CBR4: variants seen among roughly 807,000 people sequenced by gnomAD.
CBR4 encodes carbonyl reductase 4.
Under a neutral mutation model 21.0 loss-of-function variants are expected in CBR4, and 22 were observed. That is an observed-to-expected ratio of 1.05 (90% CI 0.75 to 1.50). The LOEUF is 1.50. CBR4 is among the 40% of genes most tolerant of loss of function. The pLI is 0.00. For missense variants in CBR4, 302 were observed against 286.3 expected (o/e 1.05, Z -0.40); for synonymous variants, 100 against 104.4 (o/e 0.96, Z 0.26).
At chr4:169,007,841 T>C in intron 1 of CBR4, 85 bp from the exon 2 acceptor site, 1 of 964,000 alleles carries the variant, frequency 1.0e-6, no homozygotes, top group Non-Finnish European at 1.5e-6. Context: ...CTATCTAAGA[T>C]GGCAGGCCTG....
intron 2 of CBR4, among the ~76,000 whole-genome samples, chr4:168,978,850 C>A (rs1465330076): frequency 6.6e-6 from 1 of 152,172 alleles, no homozygotes; most frequent in African/African-American, 2.4e-5. Context: ...CTAGGCAAAG[C>A]CCACTGGCCT....
chr4:168,955,056 A>C (rs1399319525), intron 2 of CBR4, among the ~76,000 whole-genome samples: 4 of 152,350 alleles, frequency 2.6e-5, no homozygotes, highest in African/African-American at 9.6e-5. Context: ...TGTGCAGGCA[A>C]GGAAAAGTAA....
intron 2 of CBR4, among the ~76,000 whole-genome samples, chr4:168,974,870 TTAAA>T (rs1467514418): frequency 3.3e-5 from 5 of 152,226 alleles, no homozygotes; most frequent in Non-Finnish European, 7.3e-5. Flanking sequence ...CTTGAGTAGC[TTAAA>T]TAATCAACCT....
At chr4:168,910,788 C>T (rs983404407) in intron 2 of CBR4, among the ~76,000 whole-genome samples, 2 of 152,154 alleles carry the variant, frequency 1.3e-5, no homozygotes, top group Non-Finnish European at 2.9e-5. Flanking sequence ...GATTCCAGAG[C>T]TACTGAATGC....
At chr4:168,919,608 G>A (rs1442771201) in intron 2 of CBR4, among the ~76,000 whole-genome samples, 1 of 151,804 alleles carries the variant, frequency 6.6e-6, no homozygotes, top group Non-Finnish European at 1.5e-5. Flanking sequence ...GCTTTGAAAG[G>A]GGAAAAAATC....
chr4:168,923,097 T>C (rs137981597), intron 2 of CBR4, among the ~76,000 whole-genome samples: 97 of 152,334 alleles, frequency 6.4e-4, no homozygotes, highest in African/African-American at 2.3e-3. Flanking sequence ...TGCAAAGTGG[T>C]AGATGTTATT....
intron 2 of CBR4, among the ~76,000 whole-genome samples, chr4:168,942,985 G>C (rs1334842401): frequency 2.0e-5 from 3 of 152,110 alleles, no homozygotes; most frequent in Non-Finnish European, 4.4e-5. Context: ...CTGCCAAGAA[G>C]GTAGAGAAAC....
chr4:168,916,148 C>G (rs1037613400), intron 2 of CBR4: 2 of 977,362 alleles, frequency 2.0e-6, no homozygotes, highest in Non-Finnish European at 3.2e-6. Flanking sequence ...CACAGTGGCT[C>G]ACACCTATAA....
chr4:168,965,934 G>T (rs1460900358), intron 2 of CBR4, among the ~76,000 whole-genome samples: 1 of 152,032 alleles, frequency 6.6e-6, no homozygotes, highest in East Asian at 1.9e-4. Context: ...CACAGCAAAA[G>T]AAACTATCAT....
chr4:168,931,320 TG>T, intron 2 of CBR4, among the ~76,000 whole-genome samples: 1 of 152,146 alleles, frequency 6.6e-6, no homozygotes, highest in Non-Finnish European at 1.5e-5. Flanking sequence ...GCCTACCCAG[TG>T]GAACTGTGCC....
At position 168,987,826 on chromosome 4, in the gene CBR4, C is replaced by A. The variant is rs1764742702; in HGVS notation, c.*2324G>T. On this transcript the variant is annotated 3_prime_UTR_variant, in exon 5 of 5. Transcript: ENST00000306193. ...TATTCCCCCCAAAACTAATTTATAA[C>A]ATATAATTATCTCCCTAAAAAGCAG... 1 of 976,308 alleles carries A rather than the reference C, an allele frequency of 1.0e-6. No individual in the cohort carries two copies. Among genetic ancestry groups the A allele is most frequent in the Non-Finnish European group, 1.2e-6 (1 of 821,820 alleles). 60.5% of individuals were successfully genotyped at this position (976,308 alleles called of 1,614,324 possible). A position where few individuals can be genotyped will look rare whatever the true frequency, so the allele number is the denominator to read the frequency against.
chr4:168,976,861 G>A (rs1764388562), intron 2 of CBR4, among the ~76,000 whole-genome samples: 1 of 152,204 alleles, frequency 6.6e-6, no homozygotes, highest in Admixed American at 6.5e-5. Context: ...CACTTCTTTT[G>A]TGGATCTTCA....
intron 2 of CBR4, among the ~76,000 whole-genome samples, chr4:168,957,670 TG>T (rs1252571494): frequency 6.6e-6 from 1 of 152,220 alleles, no homozygotes; most frequent in African/African-American, 2.4e-5. Flanking sequence ...CTTTCTGCTA[TG>T]GTAGATTAGT....
chr4:168,978,871 T>C (rs1185099366), intron 2 of CBR4, among the ~76,000 whole-genome samples: 3 of 152,094 alleles, frequency 2.0e-5, no homozygotes, highest in African/African-American at 7.2e-5. Flanking sequence ...GGGATCCCAA[T>C]GCAGCCACCC....
chr4:168,922,187 G>A (rs929508564), intron 2 of CBR4, among the ~76,000 whole-genome samples: 1 of 150,600 alleles, frequency 6.6e-6, no homozygotes, highest in Non-Finnish European at 1.5e-5. Flanking sequence ...CATAGTCATT[G>A]TCAAACTACA....
chr4:169,004,747 T>G (rs1184688746), intron 3 of CBR4, among the ~76,000 whole-genome samples: 1 of 152,228 alleles, frequency 6.6e-6, no homozygotes, highest in South Asian at 2.1e-4. Context: ...TCAATCTAAA[T>G]TGGCAAAGCT....
intron 2 of CBR4, chr4:168,898,208 C>G (rs1261649479): frequency 1.8e-5 from 8 of 455,106 alleles, no homozygotes; most frequent in African/African-American, 3.9e-5. Context: ...TTTTTCTTTC[C>G]TTCCCCTTGT....
At chr4:168,994,106 C>T (rs1314684738) in intron 4 of CBR4, among the ~76,000 whole-genome samples, 1 of 152,208 alleles carries the variant, frequency 6.6e-6, no homozygotes, top group Non-Finnish European at 1.5e-5. Context: ...CTCAAACAGA[C>T]ATTCACCCAC....
Position 168,971,436 on chromosome 4 carries a change from A to ATTTTT in CBR4, n.169+30630_169+30634dup, listed in dbSNP as rs70961566. On this transcript the variant is annotated intron_variant and non_coding_transcript_variant, in intron 2 of 3. Coordinates refer to the CBR4 transcript ENST00000509108. ...AGGCACACACCACCATGCCCAGCTCATTTTTTTTTTTTTTTTTTTTTTGTA... is the reference window on the plus strand; with the variant it reads ...AGGCACACACCACCATGCCCAGCTCATTTTTTTTTTTTTTTTTTTTTTTTTTTGTA... Among the ~76,000 whole-genome samples, 39 of 114,116 alleles carry ATTTTT rather than the reference A, an allele frequency of 3.4e-4. 2 individuals carry two copies. The highest frequency in any genetic ancestry group is 9.7e-4 in the African/African-American group (27 of 27,934). The allele number at this position is 114,116 out of a possible 152,430, so 74.9% of individuals were successfully genotyped here. A position where few individuals can be genotyped will look rare whatever the true frequency, so the allele number is the denominator to read the frequency against.
Sources: allele counts gnomAD v4.1 joint callset (sites outside exome capture counted in the v4.1 genomes callset), GRCh38; gene constraint gnomAD v4.1.1; transcripts MANE v1.5; gene names NCBI Gene and HGNC (gene_info 2026-07-23, HGNC 2026-07-21).